Variants in TBC1D24 observed in about 807,000 individuals in gnomAD.
TBC1D24 encodes the protein Infantile myoclonic epilepsy.
A neutral mutation model predicts 50.7 loss-of-function variants in TBC1D24; 47 were observed. That is an observed-to-expected ratio of 0.93 (90% confidence interval 0.73 to 1.18). TBC1D24 has a LOEUF of 1.18. Among genes scored for constraint, TBC1D24 ranks in the 50% most tolerant of loss-of-function variants. The pLI is 0.00. For synonymous variants in TBC1D24, 324 were observed against 335.2 expected (o/e 0.97, Z 0.36); for missense variants, 688 against 766.5 (o/e 0.90, Z 1.21).
At chr16:2,477,718 T>A (rs2065579691) in intron 1 of TBC1D24, 1 of 150,834 alleles carries the variant, frequency 6.6e-6, no homozygotes, top group Non-Finnish European at 1.5e-5. Flanking sequence ...TGGTAGAAGC[T>A]CCCACAGAGG....
rs2065785883 is a variant in TBC1D24 at position 2,500,749 on chromosome 16, C to T, written c.1526-55C>T. 1.9e-6 allele frequency: 3 copies of T among 1,559,934 alleles called. No individual in the cohort carries two copies. Among genetic ancestry groups the T allele is most frequent in the African/African-American group, 1.3e-5 (1 of 74,086 alleles). The stretch of plus-strand genomic sequence containing the variant: ...GACAGCTGGGACAGCAGGTGAGGTG[C>T]CTGGGTCAGTGCTGATAGGGCAGTC... On this transcript the variant is annotated intron_variant, in intron 7 of 7. Coordinates refer to ENST00000646147, the MANE Select transcript of TBC1D24 (RefSeq NM_001199107.2). This position sits in a 1 kb window ranked among gnomAD's most constrained non-coding sequence, Gnocchi z 8.0.
At chr16:2,481,442 A>ATC (rs2065609751) in intron 1 of TBC1D24, 1 of 152,196 alleles carries the variant, frequency 6.6e-6, no homozygotes, top group African/African-American at 2.4e-5. Context: ...CTCGAGCTGG[A>ATC]TCTCTCCTTA....
In TBC1D24 at chr16:2,500,833, G is replaced by T. The variant is rs765963990; in HGVS notation, c.1555G>T (p.Asp519Tyr). 1.2e-6 allele frequency: 2 copies of T among 1,608,246 alleles called. No homozygotes were observed. The highest frequency in any genetic ancestry group is 2.2e-5 in the South Asian group (2 of 91,048). Residue 519 changes from aspartate to tyrosine, a missense_variant, in exon 8 of 8, where the codon GAT becomes TAT. Transcript: ENST00000646147. The surrounding 1 kb of genome is among the most constrained non-coding windows in gnomAD (Gnocchi z 8.0). ...AGGAGGCGGCCAGGCGCTCTACATC[G>T]ATGGGGACCTGAACCGGGGCCGCAC... Reference protein sequence around the residue: ...GGGGGQALYIDGDLNRGRTSH... With the variant: ...GGGGGQALYIYGDLNRGRTSH...
rs79860296 is a variant in TBC1D24 at position 2,487,169 on chromosome 16, C to T, written c.-115-8865C>T. 0.079 allele frequency among the ~76,000 whole-genome samples: 12,042 copies of T among 152,310 alleles called. 634 individuals carry two copies. The highest frequency in any genetic ancestry group is 0.13 in the Middle Eastern group (38 of 294). ...ACATCTGAGGGGCACCGTCCCCACC[C>T]ACAGGCTGCCTCCACACCTTTCCGC... On this transcript the variant is annotated intron_variant, in intron 1 of 7. Coordinates refer to ENST00000646147, the MANE Select transcript of TBC1D24 (RefSeq NM_001199107.2). This position sits in a 1 kb window ranked among gnomAD's most constrained non-coding sequence, Gnocchi z 4.1.
In TBC1D24 at chr16:2,475,162, C is replaced by G. The variant is rs899898265; in HGVS notation, c.-124C>G. 1 of 150,094 alleles carries G rather than the reference C, an allele frequency of 6.7e-6. No homozygotes were observed. The highest frequency in any genetic ancestry group is 1.5e-5 in the Non-Finnish European group (1 of 67,086). The allele number at this position is 150,094 out of a possible 1,614,324, so 9.3% of individuals were successfully genotyped here. A position where few individuals can be genotyped will look rare whatever the true frequency, so the allele number is the denominator to read the frequency against. ...GCGCGGCAGGCTGAGGAGAAAGCGG[C>G]GCGCGGAGGTGGGTGCGCTCGGGGC... is the stretch of plus-strand genomic sequence containing the variant. On this transcript the variant is annotated 5_prime_UTR_variant, in exon 1 of 8. Coordinates refer to ENST00000646147, the MANE Select transcript of TBC1D24 (RefSeq NM_001199107.2). This position sits in a 1 kb window ranked among gnomAD's most constrained non-coding sequence, Gnocchi z 4.2.
rs192947509 is a variant in TBC1D24, at chr16:2,500,234, C to T, written c.1303-34C>T. On this transcript the variant is annotated intron_variant, in intron 6 of 7. Coordinates refer to ENST00000646147, the MANE Select transcript of TBC1D24 (RefSeq NM_001199107.2). The surrounding 1 kb of genome is among the most constrained non-coding windows in gnomAD (Gnocchi z 8.0). Reference sequence around the variant, plus strand: ...TGGGGCAGAGGGGCCTGCGAACGCCCGCGCCAGCTCCTCACACTCCCCTTC... The same window carrying T: ...TGGGGCAGAGGGGCCTGCGAACGCCTGCGCCAGCTCCTCACACTCCCCTTC... 24 of 1,544,718 alleles carry T rather than the reference C, an allele frequency of 1.6e-5. No homozygotes were observed. Among genetic ancestry groups the T allele is most frequent in the East Asian group, 4.8e-5 (2 of 41,414 alleles).
chr16:2,486,116 G>C lies in TBC1D24; in HGVS notation c.-115-9918G>C, dbSNP rs567248822. Among the ~76,000 whole-genome samples, 2 of 152,340 alleles carry C rather than the reference G, an allele frequency of 1.3e-5. No homozygotes were observed. The highest frequency in any genetic ancestry group is 2.1e-4 in the South Asian group (1 of 4,832). On this transcript the variant is annotated intron_variant, in intron 1 of 7. Transcript: ENST00000646147. The surrounding 1 kb of genome is among the most constrained non-coding windows in gnomAD (Gnocchi z 5.8). ...CCTAGCCCACCACCAGGTTTCCTCT[G>C]TATCCCCGCAGCACTTGGCAAGGTC... is the stretch of plus-strand genomic sequence containing the variant.
chr16:2,491,128 T>C (rs549176382), intron 1 of TBC1D24, among the ~76,000 whole-genome samples: 2 of 152,304 alleles, frequency 1.3e-5, no homozygotes, highest in African/African-American at 4.8e-5. Flanking sequence ...CCTCACTCAG[T>C]TGTGAATGCA....
chr16:2,488,380 A>G (rs2065667755), intron 1 of TBC1D24, among the ~76,000 whole-genome samples: 1 of 152,032 alleles, frequency 6.6e-6, no homozygotes, highest in African/African-American at 2.4e-5. Flanking sequence ...TGGTAGAGCC[A>G]GAACTGTGCC....
At position 2,475,992 on chromosome 16, in the gene TBC1D24, G is replaced by A. The variant is rs1044622249; in HGVS notation, c.-116+822G>A. On this transcript the variant is annotated intron_variant, in intron 1 of 7. Coordinates refer to ENST00000646147, the MANE Select transcript of TBC1D24 (RefSeq NM_001199107.2). This position sits in a 1 kb window ranked among gnomAD's most constrained non-coding sequence, Gnocchi z 4.2. ...CTGGGTGGTGTGGAGGTGCAGGTGGGCTGTTAGGTTGGTGGCTGTGGTTGT... is the reference window on the plus strand; with the variant it reads ...CTGGGTGGTGTGGAGGTGCAGGTGGACTGTTAGGTTGGTGGCTGTGGTTGT... 6.6e-6 allele frequency among the ~76,000 whole-genome samples: 1 copy of A among 152,200 alleles called. No individual in the cohort carries two copies. The highest frequency in any genetic ancestry group is 1.5e-5 in the Non-Finnish European group (1 of 68,004).
rs1020081764 is a variant in TBC1D24 at position 2,487,555 on chromosome 16, G to A, written c.-115-8479G>A. Among the ~76,000 whole-genome samples, 6 of 152,370 alleles carry A rather than the reference G, an allele frequency of 3.9e-5. No homozygotes were observed. The South Asian group carries it at 1.2e-3, about 32-fold the overall frequency. On this transcript the variant is annotated intron_variant, in intron 1 of 7. Transcript: ENST00000646147. This position sits in a 1 kb window ranked among gnomAD's most constrained non-coding sequence, Gnocchi z 4.1. ...AAATCACATTCCCCTCTGAAGAAGCGAGACGTGCAGAGGCCTCGTGACTCA... is the reference window on the plus strand; with the variant it reads ...AAATCACATTCCCCTCTGAAGAAGCAAGACGTGCAGAGGCCTCGTGACTCA...
rs551198903 is a variant in TBC1D24 at position 2,500,533 on chromosome 16, C to A, written c.1525+43C>A. The A allele has an allele frequency of 6.6e-7, 1 of 1,525,606 alleles. No individual in the cohort carries two copies. The highest frequency in any genetic ancestry group is 2.0e-5 in the Admixed American group (1 of 50,844). 94.5% of individuals were successfully genotyped at this position (1,525,606 alleles called of 1,614,324 possible). ...GGGCTCTGGGATGAGGGTGTGGGGTCCGGGCAGCTGAAGCTGCTGCACCCA... is the reference window on the plus strand; with the variant it reads ...GGGCTCTGGGATGAGGGTGTGGGGTACGGGCAGCTGAAGCTGCTGCACCCA... On this transcript the variant is annotated intron_variant, in intron 7 of 7. Transcript: ENST00000646147. This position sits in a 1 kb window ranked among gnomAD's most constrained non-coding sequence, Gnocchi z 8.0.
At chr16:2,490,088 T>A (rs1203934407) in intron 1 of TBC1D24, among the ~76,000 whole-genome samples, 1 of 152,140 alleles carries the variant, frequency 6.6e-6, no homozygotes, top group African/African-American at 2.4e-5. Context: ...CTCAATGTCA[T>A]CTCCTGGGAG....
In TBC1D24 at chr16:2,500,954, A is replaced by C; in HGVS notation, c.1676A>C (p.Gln559Pro). The change falls in exon 8 of 8, where the codon CAG becomes CCG. Residue 559 changes from glutamine (Q) to proline (P), a missense_variant. Transcript: ENST00000646147. The surrounding 1 kb of genome is among the most constrained non-coding windows in gnomAD (Gnocchi z 8.0). ...EAWGFQDPDTQ is the reference protein window; with the variant it reads ...EAWGFQDPDTP ...TGGGGCTTCCAGGACCCTGACACCC[A>C]GTGACGGCCTGTGCCACGGTGACTG... The C allele has an allele frequency of 1.9e-6, 3 of 1,610,484 alleles. No homozygotes were observed. The highest frequency in any genetic ancestry group is 2.5e-6 in the Non-Finnish European group (3 of 1,179,908).
In TBC1D24 at chr16:2,504,238, T is replaced by G. The variant is rs1449343244; in HGVS notation, c.*3280T>G. 3 of 152,144 alleles carry G rather than the reference T, an allele frequency of 2.0e-5. No homozygotes were observed. Among genetic ancestry groups the G allele is most frequent in the South Asian group, 2.1e-4 (1 of 4,830 alleles). The allele number at this position is 152,144 out of a possible 1,614,324, so 9.4% of individuals were successfully genotyped here. A position where few individuals can be genotyped will look rare whatever the true frequency, so the allele number is the denominator to read the frequency against. On this transcript the variant is annotated 3_prime_UTR_variant, in exon 8 of 8. Coordinates refer to ENST00000646147, the MANE Select transcript of TBC1D24 (RefSeq NM_001199107.2). ...TGCAGTCTCCTTGAGTAGTTTATAT[T>G]TAGTAATTTAGTTGTGTACCTTTTT... is the stretch of plus-strand genomic sequence containing the variant.
chr16:2,493,877 C>T (rs1224606849), intron 1 of TBC1D24, among the ~76,000 whole-genome samples: 1 of 152,254 alleles, frequency 6.6e-6, no homozygotes, highest in African/African-American at 2.4e-5. Flanking sequence ...ACCACCCCCA[C>T]TTGACTTCTG....
chr16:2,496,123 G>A lies in TBC1D24; in HGVS notation c.-26G>A, dbSNP rs766608359. The A allele has an allele frequency of 8.7e-6, 14 of 1,613,100 alleles. No individual in the cohort carries two copies. The highest frequency in any genetic ancestry group is 1.0e-5 in the Non-Finnish European group (12 of 1,179,856). ...CTGTCCTCCCCTTCCGGCAGTCCAGGGCCTCCTCCCGAGCACAGCGGCGCT... is the reference window on the plus strand; with the variant it reads ...CTGTCCTCCCCTTCCGGCAGTCCAGAGCCTCCTCCCGAGCACAGCGGCGCT... On this transcript the variant is annotated 5_prime_UTR_variant, in exon 2 of 8. Transcript: ENST00000646147.
At position 2,500,534 on chromosome 16, in the gene TBC1D24, C is replaced by G. The variant is rs771007616; in HGVS notation, c.1525+44C>G. ...GGCTCTGGGATGAGGGTGTGGGGTC[C>G]GGGCAGCTGAAGCTGCTGCACCCAG... On this transcript the variant is annotated intron_variant, in intron 7 of 7. Transcript: ENST00000646147. The surrounding 1 kb of genome is among the most constrained non-coding windows in gnomAD (Gnocchi z 8.0). 3 of 1,524,770 alleles carry G rather than the reference C, an allele frequency of 2.0e-6. No homozygotes were observed. Among genetic ancestry groups the G allele is most frequent in the South Asian group, 2.4e-5 (2 of 83,352 alleles). The allele number at this position is 1,524,770 out of a possible 1,614,324, so 94.5% of individuals were successfully genotyped here. A position where few individuals can be genotyped will look rare whatever the true frequency, so the allele number is the denominator to read the frequency against.
chr16:2,491,552 C>T, intron 1 of TBC1D24, among the ~76,000 whole-genome samples: 1 of 149,290 alleles, frequency 6.7e-6, no homozygotes, highest in African/African-American at 2.5e-5. Flanking sequence ...CCACGCCTGG[C>T]TAATTTTTTT....
Sources: allele counts gnomAD v4.1 joint callset (sites outside exome capture counted in the v4.1 genomes callset), GRCh38; gene constraint gnomAD v4.1.1; non-coding constraint Gnocchi (gnomAD v3.1); transcripts MANE v1.5; gene names NCBI Gene and HGNC (gene_info 2026-07-23, HGNC 2026-07-21).